Variants in SYNDIG1 observed in about 807,000 individuals in gnomAD.
SYNDIG1 encodes synapse differentiation inducing 1.
Under a neutral mutation model 19.4 loss-of-function variants are expected in SYNDIG1, and 9 were observed. The observed-to-expected ratio is 0.46, with a 90% CI of 0.28 to 0.81. SYNDIG1 has a LOEUF of 0.81. Among genes scored for constraint, SYNDIG1 ranks in the 30% least tolerant of loss-of-function variants. SYNDIG1 has a pLI of 0.12. For synonymous variants in SYNDIG1, 141 were observed against 145.9 expected, an observed-to-expected ratio of 0.97 and a Z score of 0.24; for missense variants, 311 against 343.3, an observed-to-expected ratio of 0.91 and a Z score of 0.74.
intron 1 of SYNDIG1, among the ~76,000 whole-genome samples, chr20:24,530,743 C>A (rs2057239292): frequency 6.6e-6 from 1 of 151,976 alleles, no homozygotes; most frequent in Non-Finnish European, 1.5e-5. Flanking sequence ...ACATGCCAAA[C>A]ACTCTGGCTA....
intron 2 of SYNDIG1, among the ~76,000 whole-genome samples, chr20:24,565,113 A>T (rs1286052554): frequency 6.6e-6 from 1 of 152,188 alleles, no homozygotes; most frequent in Non-Finnish European, 1.5e-5. Flanking sequence ...TCAAATTCCC[A>T]TGTAGGCAAA....
chr20:24,594,551 C>T (rs911181649), intron 3 of SYNDIG1, among the ~76,000 whole-genome samples: 2 of 151,934 alleles, frequency 1.3e-5, no homozygotes, highest in African/African-American at 2.4e-5. Context: ...ATTTGTTTTC[C>T]GATTCTGTGA....
intron 1 of SYNDIG1, among the ~76,000 whole-genome samples, chr20:24,518,816 T>C (rs924411667): frequency 4.6e-5 from 7 of 152,164 alleles, no homozygotes; most frequent in Admixed American, 1.3e-4. Flanking sequence ...TAAAATAATT[T>C]ACCAAGAGAA....
intron 2 of SYNDIG1, among the ~76,000 whole-genome samples, chr20:24,583,784 G>C (rs1182529518): frequency 6.6e-6 from 1 of 152,130 alleles, no homozygotes; most frequent in Non-Finnish European, 1.5e-5. Flanking sequence ...CTATGGAATC[G>C]CAAACCACAT....
intron 1 of SYNDIG1, among the ~76,000 whole-genome samples, chr20:24,525,499 G>T (rs2057105152): frequency 6.6e-6 from 1 of 152,036 alleles, no homozygotes; most frequent in African/African-American, 2.4e-5. Flanking sequence ...GGCCAGGCTG[G>T]TCTCGAACTC....
intron 1 of SYNDIG1, among the ~76,000 whole-genome samples, chr20:24,501,921 A>G (rs536133199): frequency 7.2e-5 from 11 of 152,220 alleles, no homozygotes; most frequent in Admixed American, 3.3e-4. Context: ...TTTCCTGGGG[A>G]TTCTTTTCCA....
At chr20:24,486,733 C>T (rs1408169325) in intron 1 of SYNDIG1, among the ~76,000 whole-genome samples, 1 of 151,660 alleles carries the variant, frequency 6.6e-6, no homozygotes, top group Non-Finnish European at 1.5e-5. Flanking sequence ...ATCTCGGTTC[C>T]CCGAAACCTC....
chr20:24,473,624 T>C (rs530175729), intron 1 of SYNDIG1, among the ~76,000 whole-genome samples: 1 of 152,248 alleles, frequency 6.6e-6, no homozygotes, highest in South Asian at 2.1e-4. Flanking sequence ...AGGGACGCAC[T>C]GGGGAGACAG....
chr20:24,550,631 C>T (rs2057688230), intron 2 of SYNDIG1, among the ~76,000 whole-genome samples: 1 of 152,014 alleles, frequency 6.6e-6, no homozygotes, highest in South Asian at 2.1e-4. Context: ...GCCTCAGCCT[C>T]CCGAGTAGCT....
Position 24,665,453 on chromosome 20 carries a change from G to A in SYNDIG1, c.726G>A (p.Val242=). Residue 242 remains valine, a synonymous_variant, in exon 4 of 4, where the codon GTG becomes GTA. Transcript: ENST00000376862. ...TCACCATTGGGACTGGCGTCTATGT[G>A]GGCGTGGCCGTGGCCCTCATCGCCT... ...LSITIGTGVY[V]GVAVALIAYL... 1.2e-6 allele frequency: 2 copies of A among 1,614,010 alleles called. No individual in the cohort carries two copies. The highest frequency in any genetic ancestry group is 1.7e-6 in the Non-Finnish European group (2 of 1,179,976).
At chr20:24,626,770 C>T (rs1214322900) in intron 3 of SYNDIG1, among the ~76,000 whole-genome samples, 1 of 152,250 alleles carries the variant, frequency 6.6e-6, no homozygotes, top group Non-Finnish European at 1.5e-5. Flanking sequence ...CGCCACTGCA[C>T]TCCAGCCTGG....
intron 3 of SYNDIG1, among the ~76,000 whole-genome samples, chr20:24,628,554 A>G (rs2059193157): frequency 1.3e-5 from 2 of 152,236 alleles, no homozygotes; most frequent in African/African-American, 2.4e-5. Flanking sequence ...TTCCACTTCA[A>G]GAAAGGCAAT....
chr20:24,473,030 C>T (rs1192504189), intron 1 of SYNDIG1, among the ~76,000 whole-genome samples: 1 of 152,094 alleles, frequency 6.6e-6, no homozygotes, highest in Non-Finnish European at 1.5e-5. Context: ...CCTTTCAGAC[C>T]CTCATGCACA....
At chr20:24,556,997 G>T (rs2057834596) in intron 2 of SYNDIG1, among the ~76,000 whole-genome samples, 1 of 152,166 alleles carries the variant, frequency 6.6e-6, no homozygotes, top group Non-Finnish European at 1.5e-5. Context: ...TGGAGGTGTT[G>T]TTCATTTCTT....
In SYNDIG1 at chr20:24,470,415, C is replaced by T. The variant is rs141775561; in HGVS notation, c.-79+662C>T. ...CCTCTTTCCTCTAGCCAGGACAAGA[C>T]CTGCCTTCAAAAGCTGTCTGGCCCC... On this transcript the variant is annotated intron_variant, in intron 1 of 3. Transcript: ENST00000376862. Among the ~76,000 whole-genome samples, 351 of 152,342 alleles carry T rather than the reference C, an allele frequency of 2.3e-3. 6 individuals are homozygous for T. In the East Asian group the frequency reaches 0.058, roughly 25 times the overall value.
chr20:24,579,711 C>G (rs2058291153), intron 2 of SYNDIG1, among the ~76,000 whole-genome samples: 1 of 152,170 alleles, frequency 6.6e-6, no homozygotes, highest in Admixed American at 6.5e-5. Flanking sequence ...GGCTGCCAGG[C>G]TCCTCAGTGC....
At chr20:24,563,284 A>G (rs771373101) in intron 2 of SYNDIG1, among the ~76,000 whole-genome samples, 1 of 152,238 alleles carries the variant, frequency 6.6e-6, no homozygotes, top group African/African-American at 2.4e-5. Context: ...AACTGGCCCA[A>G]TTATCCCATA....
At chr20:24,661,401 G>T (rs1282642229) in intron 3 of SYNDIG1, among the ~76,000 whole-genome samples, 127 of 147,574 alleles carry the variant, frequency 8.6e-4, no homozygotes, top group Middle Eastern at 7.1e-3. Context: ...GAGGGAGGAG[G>T]TAGGAAAGAA....
chr20:24,621,608 C>G (rs969429509), intron 3 of SYNDIG1, among the ~76,000 whole-genome samples: 9 of 152,176 alleles, frequency 5.9e-5, no homozygotes, highest in African/African-American at 1.9e-4. Flanking sequence ...AAACTCTACC[C>G]TGGGAAGGGA....
Sources: allele counts gnomAD v4.1 joint callset (sites outside exome capture counted in the v4.1 genomes callset), GRCh38; gene constraint gnomAD v4.1.1; transcripts MANE v1.5; gene names NCBI Gene and HGNC (gene_info 2026-07-23, HGNC 2026-07-21).